The following KIRREL3 variants were observed in gnomAD, a reference collection of about 807,000 sequenced individuals.
KIRREL3 encodes kirre like nephrin family adhesion molecule 3, also known as kin of IRRE-like protein 3.
In KIRREL3, 36 loss-of-function variants were observed where a neutral mutation model predicts 89.7. The observed-to-expected ratio is 0.40, with a 90% confidence interval of 0.31 to 0.53. The LOEUF is 0.53. KIRREL3 is among the 20% of genes least tolerant of loss of function. The pLI, the probability that KIRREL3 is intolerant of heterozygous loss-of-function variation, is 0.49. For missense variants in KIRREL3, 864 were observed against 1,056.6 expected, an observed-to-expected ratio of 0.82 and a Z score of 2.53; for synonymous variants, 445 against 441.4, an observed-to-expected ratio of 1.01 and a Z score of -0.10.
At position 126,492,972 on chromosome 11, in the gene KIRREL3, G is replaced by A. The variant is rs1264803992; in HGVS notation, c.434-19506C>T. ...CGTGGGCTGAGTGACCCAAAAGGCCGTAGAACAGCCTCGGTGCTGCGGCTA... is the reference window on the plus strand; with the variant it reads ...CGTGGGCTGAGTGACCCAAAAGGCCATAGAACAGCCTCGGTGCTGCGGCTA... On this transcript the variant is annotated intron_variant, in intron 4 of 16. Coordinates refer to ENST00000525144, the MANE Select transcript of KIRREL3 (RefSeq NM_032531.4). This position sits in a 1 kb window ranked among gnomAD's most constrained non-coding sequence, Gnocchi z 4.8. Among the ~76,000 whole-genome samples the A allele has an allele frequency of 2.6e-5, 4 of 152,352 alleles. No individual in the cohort carries two copies. The highest frequency in any genetic ancestry group is 1.9e-4 in the East Asian group (1 of 5,178).
intron 1 of KIRREL3, among the ~76,000 whole-genome samples, chr11:126,952,621 G>C (rs1328416793): frequency 6.6e-6 from 1 of 152,140 alleles, no homozygotes. Flanking sequence ...ATTGCTTTTG[G>C]TGTTTTAGTC....
At chr11:126,968,868 G>C (rs959565321) in intron 1 of KIRREL3, among the ~76,000 whole-genome samples, 2 of 152,126 alleles carry the variant, frequency 1.3e-5, no homozygotes, top group African/African-American at 4.8e-5. Flanking sequence ...CTAGCTTACT[G>C]TGTGACTCTA....
chr11:126,896,502 G>T lies in KIRREL3; in HGVS notation c.55+103953C>A, dbSNP rs1946163452. Among the ~76,000 whole-genome samples, 1 of 152,198 alleles carries T rather than the reference G, an allele frequency of 6.6e-6. No homozygotes were observed. Among genetic ancestry groups the T allele is most frequent in the Admixed American group, 6.5e-5 (1 of 15,286 alleles). ...CAGACTTCCAATCTTTACTCTGAAT[G>T]AGAAAAACATCAAAATCTGAGAAGC... On this transcript the variant is annotated intron_variant, in intron 1 of 16. Coordinates refer to ENST00000525144, the MANE Select transcript of KIRREL3 (RefSeq NM_032531.4). The surrounding 1 kb of genome is among the most constrained non-coding windows in gnomAD (Gnocchi z 4.1).
Position 126,550,039 on chromosome 11 carries a change from G to A in KIRREL3, c.133+12796C>T, listed in dbSNP as rs1014853216. 3 of 152,186 alleles carry A rather than the reference G, an allele frequency of 2.0e-5. No homozygotes were observed. The highest frequency in any genetic ancestry group is 7.2e-5 in the African/African-American group (3 of 41,426). 9.4% of individuals were successfully genotyped at this position (152,186 alleles called of 1,614,324 possible). ...TTCCAATAGCTACTTATTCATACCC[G>A]GTTACCGCAACTGCGACATTGTATT... On this transcript the variant is annotated intron_variant, in intron 2 of 16. Coordinates refer to ENST00000525144, the MANE Select transcript of KIRREL3 (RefSeq NM_032531.4). This position sits in a 1 kb window ranked among gnomAD's most constrained non-coding sequence, Gnocchi z 4.9.
rs756576361 is a variant in KIRREL3, at chr11:126,607,957, C to T, written c.56-45045G>A. Among the ~76,000 whole-genome samples, 3 of 152,208 alleles carry T rather than the reference C, an allele frequency of 2.0e-5. No individual in the cohort carries two copies. Among genetic ancestry groups the T allele is most frequent in the Admixed American group, 6.5e-5 (1 of 15,286 alleles). On this transcript the variant is annotated intron_variant, in intron 1 of 16. Transcript: ENST00000525144. This position sits in a 1 kb window ranked among gnomAD's most constrained non-coding sequence, Gnocchi z 6.6. The stretch of plus-strand genomic sequence containing the variant: ...CACTAGGGCAACTGCTCAGCCCCAT[C>T]GCAGCAAGGGCCCGAGGAACGAGCA...
intron 1 of KIRREL3, among the ~76,000 whole-genome samples, chr11:126,604,809 A>G (rs1385559017): frequency 6.6e-6 from 1 of 152,246 alleles, no homozygotes; most frequent in Non-Finnish European, 1.5e-5. Flanking sequence ...GGTGACTCAG[A>G]GAAGCAACGC....
rs1793656 is a variant in KIRREL3, at chr11:126,908,617, A to G, written c.55+91838T>C. On this transcript the variant is annotated intron_variant, in intron 1 of 16. Transcript: ENST00000525144. The surrounding 1 kb of genome is among the most constrained non-coding windows in gnomAD (Gnocchi z 4.2). ...TATTGGTATTATCAAGAAAACTGAA[A>G]GTCACAAAAGGTAAGTGATTTGCTC... Among the ~76,000 whole-genome samples, 128,958 of 152,198 alleles carry G rather than the reference A, an allele frequency of 0.85. 55,087 individuals carry two copies. Among genetic ancestry groups the G allele is most frequent in the Middle Eastern group, 0.96 (282 of 294 alleles).
rs1341940856 is a variant in KIRREL3, at chr11:126,486,892, G to T, written c.434-13426C>A. 6.6e-6 allele frequency among the ~76,000 whole-genome samples: 1 copy of T among 152,158 alleles called. No individual in the cohort carries two copies. The highest frequency in any genetic ancestry group is 1.5e-5 in the Non-Finnish European group (1 of 68,044). ...AAAGGGCCAGGCAGGGACTTGGAGT[G>T]TCCCCGCTGGTCCCATAAATAGAAG... On this transcript the variant is annotated intron_variant, in intron 4 of 16. Coordinates refer to ENST00000525144, the MANE Select transcript of KIRREL3 (RefSeq NM_032531.4). This position sits in a 1 kb window ranked among gnomAD's most constrained non-coding sequence, Gnocchi z 6.2.
rs570403498 is a variant in KIRREL3 at position 126,454,450 on chromosome 11, G to T, written c.848+1899C>A. Among the ~76,000 whole-genome samples the T allele has an allele frequency of 1.3e-5, 2 of 152,276 alleles. No homozygotes were observed. The highest frequency in any genetic ancestry group is 3.9e-4 in the East Asian group (2 of 5,182). On this transcript the variant is annotated intron_variant, in intron 7 of 16. Coordinates refer to ENST00000525144, the MANE Select transcript of KIRREL3 (RefSeq NM_032531.4). This position sits in a 1 kb window ranked among gnomAD's most constrained non-coding sequence, Gnocchi z 5.8. ...TGGGGCGCCCAACAGGCATTCTAAG[G>T]GTGGCTGTGAGGGTGAATAGGGGTG...
rs150676163 is a variant in KIRREL3 at position 126,446,576 on chromosome 11, G to A, written c.1125+183C>T. Among the ~76,000 whole-genome samples, 569 of 152,314 alleles carry A rather than the reference G, an allele frequency of 3.7e-3. 3 individuals carry two copies. Among genetic ancestry groups the A allele is most frequent in the Middle Eastern group, 6.8e-3 (2 of 294 alleles). On this transcript the variant is annotated intron_variant, in intron 9 of 16. Transcript: ENST00000525144. The stretch of plus-strand genomic sequence containing the variant: ...TGCAATGGCTGAATGTGCTCAGGGT[G>A]GGACAGGCACATGGGGGTGCCTGGG...
In KIRREL3 at chr11:126,904,634, G is replaced by A. The variant is rs1946502374; in HGVS notation, c.55+95821C>T. Among the ~76,000 whole-genome samples, 1 of 152,138 alleles carries A rather than the reference G, an allele frequency of 6.6e-6. No homozygotes were observed. The highest frequency in any genetic ancestry group is 2.1e-4 in the South Asian group (1 of 4,826). ...GAAAAGAAATAATCTGTCTTACAAG[G>A]CTGTTCTTACTTATACCAAGAACAA... On this transcript the variant is annotated intron_variant, in intron 1 of 16. Coordinates refer to ENST00000525144, the MANE Select transcript of KIRREL3 (RefSeq NM_032531.4). This position sits in a 1 kb window ranked among gnomAD's most constrained non-coding sequence, Gnocchi z 4.4.
At position 126,501,389 on chromosome 11, in the gene KIRREL3, G is replaced by A. The variant is rs943066801; in HGVS notation, c.433+19926C>T. The stretch of plus-strand genomic sequence containing the variant: ...GAGAGGAGCCAGCTTGGGGCCTGGG[G>A]TGCAGTCTTAGAGACTAAGGAGGCT... On this transcript the variant is annotated intron_variant, in intron 4 of 16. Transcript: ENST00000525144. The surrounding 1 kb of genome is among the most constrained non-coding windows in gnomAD (Gnocchi z 5.8). Among the ~76,000 whole-genome samples the A allele has an allele frequency of 3.9e-5, 6 of 152,236 alleles. No homozygotes were observed. Among genetic ancestry groups the A allele is most frequent in the Non-Finnish European group, 8.8e-5 (6 of 68,038 alleles).
chr11:126,915,290 A>G (rs538786314), intron 1 of KIRREL3, among the ~76,000 whole-genome samples: 7 of 152,136 alleles, frequency 4.6e-5, no homozygotes, highest in Non-Finnish European at 1.0e-4. Context: ...CTCCTGAGCC[A>G]TTCTTCCCCC....
chr11:126,927,228 GCACACACA>G (rs35347795), intron 1 of KIRREL3, among the ~76,000 whole-genome samples: 1 of 151,352 alleles, frequency 6.6e-6, no homozygotes, highest in African/African-American at 2.4e-5. Flanking sequence ...TGGGGAGTAA[GCACACACA>G]CACACACGCA....
At chr11:126,466,465 G>C (rs563553120) in intron 5 of KIRREL3, among the ~76,000 whole-genome samples, 6 of 152,340 alleles carry the variant, frequency 3.9e-5, no homozygotes, top group South Asian at 2.1e-4. Flanking sequence ...AGGTGGGACA[G>C]AGCTGGGGGG....
intron 5 of KIRREL3, among the ~76,000 whole-genome samples, chr11:126,464,832 G>A (rs1956668300): frequency 6.6e-6 from 1 of 152,182 alleles, no homozygotes; most frequent in Non-Finnish European, 1.5e-5. Context: ...ATTGATTTCT[G>A]TTGTGTCATG....
At position 126,681,216 on chromosome 11, in the gene KIRREL3, G is replaced by T. The variant is rs563934916; in HGVS notation, c.56-118304C>A. On this transcript the variant is annotated intron_variant, in intron 1 of 16. Coordinates refer to ENST00000525144, the MANE Select transcript of KIRREL3 (RefSeq NM_032531.4). ...ATACAGCTTACTCTTTCCCTAGATA[G>T]GCTGCCTAGGGTCTAAGACCAGAAG... is the stretch of plus-strand genomic sequence containing the variant. 3.3e-5 allele frequency among the ~76,000 whole-genome samples: 5 copies of T among 152,288 alleles called. No homozygotes were observed. In the East Asian group the frequency reaches 9.6e-4, roughly 29 times the overall value.
At chr11:126,798,947 G>A (rs1414638369) in intron 1 of KIRREL3, among the ~76,000 whole-genome samples, 2 of 152,212 alleles carry the variant, frequency 1.3e-5, no homozygotes, top group Non-Finnish European at 2.9e-5. Flanking sequence ...AGGAGCACAT[G>A]CAGGGACACA....
At chr11:126,988,572 G>A (rs1949937099) in intron 1 of KIRREL3, 1 of 152,700 alleles carries the variant, frequency 6.5e-6, no homozygotes, top group Admixed American at 6.5e-5. Context: ...GCATAGGCCT[G>A]GAGGTGGCTC....
Sources: allele counts gnomAD v4.1 joint callset (sites outside exome capture counted in the v4.1 genomes callset), GRCh38; gene constraint gnomAD v4.1.1; non-coding constraint Gnocchi (gnomAD v3.1); transcripts MANE v1.5; gene names NCBI Gene and HGNC (gene_info 2026-07-23, HGNC 2026-07-21).